BTAF1: variants seen among roughly 807,000 people sequenced by gnomAD.
BTAF1 encodes the protein TATA-binding protein-associated factor 172.
In BTAF1, 38 loss-of-function variants were observed where a neutral mutation model predicts 227.1. The observed-to-expected ratio is 0.17, with a 90% CI of 0.13 to 0.22. The LOEUF (loss-of-function observed/expected upper bound fraction) is 0.22. Ranked by LOEUF, BTAF1 falls within the 10% of genes least tolerant of loss-of-function variation. The probability of loss-of-function intolerance (pLI) is 1.00; values close to 1 mark genes in which losing one functional copy is unlikely to be tolerated. For synonymous variants in BTAF1, 742 were observed against 751.9 expected (o/e 0.99, Z 0.21); for missense variants, 1,598 against 2,204.0 (o/e 0.73, Z 5.51).
Position 91,942,539 on chromosome 10 carries a change from C to T in BTAF1, c.371C>T (p.Ala124Val). 2.5e-6 allele frequency: 4 copies of T among 1,613,916 alleles called. No homozygotes were observed. The highest frequency in any genetic ancestry group is 3.4e-6 in the Non-Finnish European group (4 of 1,179,954). ...HGASLLGSAGAEFEVQDEKSG... is the reference protein window; with the variant it reads ...HGASLLGSAGVEFEVQDEKSG... ...GCATCACTCCTGGGATCTGCTGGTG[C>T]CGAATTTGAAGTCCAAGATGAAAAA... The change falls in exon 4 of 38, where the codon GCC becomes GTC. Residue 124 changes from alanine (A) to valine (V), a missense_variant. Ala to Val is a moderately conservative substitution (Grantham distance 64). Around this residue, in one of 10 missense-constraint regions of BTAF1, gnomAD observed 298 missense variants for 395.2 expected, o/e 0.75. Coordinates refer to ENST00000265990, the MANE Select transcript of BTAF1 (RefSeq NM_003972.3).
At position 91,982,583 on chromosome 10, in the gene BTAF1, T is replaced by G. The variant is rs1323180835; in HGVS notation, c.2049-4T>G. On this transcript the variant is annotated splice_region_variant and splice_polypyrimidine_tract_variant and intron_variant, in intron 17 of 37. Transcript: ENST00000265990. ...TATAGTAACTTCCTTTTTCTCCCTC[T>G]TAGGTTGTTAGGAGCACTTTGTTGC... 5 of 1,610,272 alleles carry G rather than the reference T, an allele frequency of 3.1e-6. No homozygotes were observed. The highest frequency in any genetic ancestry group is 4.2e-6 in the Non-Finnish European group (5 of 1,178,542).
intron 23 of BTAF1, among the ~76,000 whole-genome samples, 198 bp from the exon 24 acceptor site, chr10:91,996,171 G>A (rs917638794): frequency 6.6e-6 from 1 of 152,034 alleles, no homozygotes; most frequent in African/African-American, 2.4e-5. Context: ...CCTTCTTTTT[G>A]AAAGAGTTGT....
chr10:91,944,709 T>C (rs1301334740), intron 4 of BTAF1, among the ~76,000 whole-genome samples: 1 of 152,210 alleles, frequency 6.6e-6, no homozygotes, highest in Non-Finnish European at 1.5e-5. Context: ...GCTATCACCC[T>C]TTTATCCTCT....
chr10:91,929,109 G>A (rs1420649219), intron 1 of BTAF1, among the ~76,000 whole-genome samples: 1 of 152,148 alleles, frequency 6.6e-6, no homozygotes, highest in African/African-American at 2.4e-5. Flanking sequence ...CACTGCGCCT[G>A]GTTTAGGTTT....
At chr10:91,924,602 G>A (rs976436960) in intron 1 of BTAF1, among the ~76,000 whole-genome samples, 9 of 152,086 alleles carry the variant, frequency 5.9e-5, no homozygotes, top group African/African-American at 1.9e-4. Flanking sequence ...CTTTTGTTTG[G>A]CAGTAAACAT....
rs750571792 is a variant in BTAF1, at chr10:92,027,167, G to A, written c.5273G>A (p.Gly1758Glu). 3.1e-6 allele frequency: 5 copies of A among 1,613,816 alleles called. No homozygotes were observed. Among genetic ancestry groups the A allele is most frequent in the Admixed American group, 1.7e-5 (1 of 59,998 alleles). Reference sequence around the variant, plus strand: ...AACGTATACCGATTGATAACCAGAGGAACATTGGAAGAAAAAATAATGGGG... The same window carrying A: ...AACGTATACCGATTGATAACCAGAGAAACATTGGAAGAAAAAATAATGGGG... Reference protein sequence around the residue: ...VVNVYRLITRGTLEEKIMGLQ... With the variant: ...VVNVYRLITRETLEEKIMGLQ... Residue 1758 changes from glycine to glutamate, a missense_variant, in exon 37 of 38, where the codon GGA becomes GAA. Gly to Glu is a moderately conservative substitution (Grantham distance 98). Transcript: ENST00000265990.
At position 91,959,794 on chromosome 10, in the gene BTAF1, C is replaced by A; in HGVS notation, c.1000C>A (p.Gln334Lys). The change falls in exon 10 of 38, where the codon CAG becomes AAG. Residue 334 changes from glutamine to lysine, a missense_variant. Physicochemically the swap from Gln to Lys is moderately conservative, Grantham distance 53 (BLOSUM62 1). Around this residue, in one of 10 missense-constraint regions of BTAF1, gnomAD observed 298 missense variants for 395.2 expected, o/e 0.75. Transcript: ENST00000265990. ...TATTATATTTTAACAGATGATTCAGCAGCATCAAGAGTGGTTGGAAGACTT... is the reference window on the plus strand; with the variant it reads ...TATTATATTTTAACAGATGATTCAGAAGCATCAAGAGTGGTTGGAAGACTT... ...GDSTLEEMIQ[Q>K]HQEWLEDLVI... 3 of 1,525,126 alleles carry A rather than the reference C, an allele frequency of 2.0e-6. No individual in the cohort carries two copies. The highest frequency in any genetic ancestry group is 2.7e-6 in the Non-Finnish European group (3 of 1,128,194). 94.5% of individuals were successfully genotyped at this position (1,525,126 alleles called of 1,614,324 possible).
intron 34 of BTAF1, among the ~76,000 whole-genome samples, chr10:92,020,872 A>AT (rs138847946): frequency 2.8e-4 from 42 of 150,300 alleles, no homozygotes; most frequent in East Asian, 5.8e-4. Flanking sequence ...GTTCTTACAG[A>AT]TTTTTTTTTT....
intron 4 of BTAF1, among the ~76,000 whole-genome samples, chr10:91,947,335 T>C (rs1189531090): frequency 6.6e-6 from 1 of 152,204 alleles, no homozygotes; most frequent in Non-Finnish European, 1.5e-5. Context: ...TCTGAGAGTT[T>C]TATAGCTTTA....
chr10:91,948,080 A>G (rs1257799552), intron 4 of BTAF1, among the ~76,000 whole-genome samples: 1 of 152,076 alleles, frequency 6.6e-6, no homozygotes, highest in African/African-American at 2.4e-5. Flanking sequence ...ACATATGTAT[A>G]CATGTGCCGT....
intron 21 of BTAF1, 26 bp from the exon 22 acceptor site, chr10:91,993,668 G>T: frequency 7.1e-7 from 1 of 1,409,204 alleles, no homozygotes. Flanking sequence ...CTGAAATTCT[G>T]TTTTTATCTA....
At chr10:92,013,206 A>T (rs1013241056) in intron 30 of BTAF1, among the ~76,000 whole-genome samples, 4 of 152,210 alleles carry the variant, frequency 2.6e-5, no homozygotes, top group African/African-American at 9.6e-5. Flanking sequence ...TCGATGGTAG[A>T]ATTGGAAAGA....
chr10:92,016,681 G>A (rs1411434995), intron 33 of BTAF1, among the ~76,000 whole-genome samples: 1 of 152,014 alleles, frequency 6.6e-6, no homozygotes, highest in African/African-American at 2.4e-5. Context: ...TCGCCATGTT[G>A]GCCAGGTTGA....
chr10:92,028,747 A>G, intron 37 of BTAF1, 43 bp from the exon 38 acceptor site: 1 of 1,523,050 alleles, frequency 6.6e-7, no homozygotes, highest in East Asian at 2.3e-5. Flanking sequence ...TGTGAAGTTA[A>G]CCTCTCATTT....
chr10:91,962,499 G>C (rs976859091), intron 11 of BTAF1, 39 bp from the exon 12 acceptor site: 2 of 1,398,618 alleles, frequency 1.4e-6, no homozygotes, highest in Admixed American at 2.2e-5. Flanking sequence ...AGTAACTGTA[G>C]AATAGAAAAT....
At chr10:92,006,222 A>G (rs546949581) in intron 25 of BTAF1, among the ~76,000 whole-genome samples, 5 of 152,282 alleles carry the variant, frequency 3.3e-5, no homozygotes, top group East Asian at 1.9e-4. Flanking sequence ...AGGGATATAT[A>G]AAGGAAGTCC....
chr10:91,977,809 G>A (rs1847795802), intron 14 of BTAF1, among the ~76,000 whole-genome samples: 1 of 152,012 alleles, frequency 6.6e-6, no homozygotes, highest in Non-Finnish European at 1.5e-5. Context: ...TATTTTCCTG[G>A]CAACATACGA....
intron 35 of BTAF1, among the ~76,000 whole-genome samples, chr10:92,025,447 A>ATTTT (rs1228882147): frequency 4.0e-5 from 6 of 151,660 alleles, no homozygotes; most frequent in African/African-American, 1.5e-4. Context: ...TTTTTTTAAA[A>ATTTT]AAAAAATGCA....
intron 1 of BTAF1, among the ~76,000 whole-genome samples, chr10:91,932,416 G>A (rs1844332702): frequency 6.6e-6 from 1 of 152,162 alleles, no homozygotes; most frequent in Non-Finnish European, 1.5e-5. Flanking sequence ...AAAAAAAAAG[G>A]TAATATAAAA....
Sources: allele counts gnomAD v4.1 joint callset (sites outside exome capture counted in the v4.1 genomes callset), GRCh38; gene constraint gnomAD v4.1.1; regional missense constraint gnomAD v4.1.1; transcripts MANE v1.5; gene names NCBI Gene and HGNC (gene_info 2026-07-23, HGNC 2026-07-21).